QTMAN: variants seen among roughly 807,000 people sequenced by gnomAD.
The protein encoded by QTMAN is tRNA-queuosine alpha-mannosyltransferase.
chr2:144,110,274 A>C, the QTMAN span, among the ~76,000 whole-genome samples: 6 of 152,210 alleles, frequency 3.9e-5, no homozygotes, highest in African/African-American at 1.4e-4. Flanking sequence ...CATCATTCTC[A>C]GCAAACTATT....
At chr2:144,055,309 G>T in the QTMAN span, among the ~76,000 whole-genome samples, 1 of 146,612 alleles carries the variant, frequency 6.8e-6, no homozygotes, top group Non-Finnish European at 1.5e-5. Context: ...CCCTGAAATG[G>T]AACACACACA....
chr2:144,151,594 A>C, the QTMAN span, among the ~76,000 whole-genome samples: 2 of 152,130 alleles, frequency 1.3e-5, no homozygotes, highest in African/African-American at 4.8e-5. Context: ...TTTGCTGATA[A>C]AACTGGATAT....
the QTMAN span, chr2:144,235,874 A>G: frequency 2.6e-5 from 4 of 152,446 alleles, no homozygotes; most frequent in African/African-American, 9.7e-5. Flanking sequence ...AGAACGTGCA[A>G]GAACAGAAAT....
chr2:144,093,473 A>T, the QTMAN span, among the ~76,000 whole-genome samples: 1 of 152,242 alleles, frequency 6.6e-6, no homozygotes, highest in African/African-American at 2.4e-5. Flanking sequence ...TTCACTACCA[A>T]GTTAAGTGCA....
At chr2:144,037,781 C>G in the QTMAN span, among the ~76,000 whole-genome samples, 9 of 152,002 alleles carry the variant, frequency 5.9e-5, no homozygotes, top group Non-Finnish European at 1.2e-4. Context: ...AAAAAGAAAA[C>G]GGACTCTGGA....
the QTMAN span, among the ~76,000 whole-genome samples, chr2:143,959,517 T>G: frequency 6.6e-6 from 1 of 152,216 alleles, no homozygotes; most frequent in East Asian, 1.9e-4. Context: ...TTAAAGGAAA[T>G]GTATATGAAG....
At chr2:144,144,811 T>C in the QTMAN span, among the ~76,000 whole-genome samples, 19 of 151,952 alleles carry the variant, frequency 1.3e-4, no homozygotes, top group African/African-American at 4.3e-4. Context: ...CAAACCCAGT[T>C]GCTAATAGCT....
the QTMAN span, among the ~76,000 whole-genome samples, chr2:144,050,215 A>G: frequency 8.3e-4 from 126 of 152,326 alleles, no homozygotes; most frequent in African/African-American, 2.9e-3. Flanking sequence ...TATGTAGACA[A>G]TAAGGTAAAT....
the QTMAN span, among the ~76,000 whole-genome samples, chr2:144,098,466 G>A: frequency 6.6e-6 from 1 of 152,096 alleles, no homozygotes; most frequent in Non-Finnish European, 1.5e-5. Context: ...TGTAATCCTA[G>A]CATTTTGGGA....
chr2:144,269,697 A>C, the QTMAN span, among the ~76,000 whole-genome samples: 2 of 152,148 alleles, frequency 1.3e-5, no homozygotes, highest in East Asian at 3.8e-4. Flanking sequence ...AGAAAAATCC[A>C]AATTTCCCTG....
the QTMAN span, among the ~76,000 whole-genome samples, chr2:143,972,999 G>C: frequency 6.6e-6 from 1 of 152,204 alleles, no homozygotes; most frequent in East Asian, 1.9e-4. Context: ...TATTGAGTTG[G>C]TAATTATTTT....
At chr2:144,022,739 T>G in the QTMAN span, among the ~76,000 whole-genome samples, 1 of 152,046 alleles carries the variant, frequency 6.6e-6, no homozygotes, top group Non-Finnish European at 1.5e-5. Flanking sequence ...AATTTTTTTA[T>G]TTTTAGTAGA....
At chr2:143,981,126 T>A in the QTMAN span, among the ~76,000 whole-genome samples, 1 of 152,256 alleles carries the variant, frequency 6.6e-6, no homozygotes, top group Non-Finnish European at 1.5e-5. Context: ...TTCATGAATG[T>A]GTTCTTGTAT....
chr2:144,034,909 C>A, the QTMAN span, among the ~76,000 whole-genome samples: 1 of 152,206 alleles, frequency 6.6e-6, no homozygotes, highest in African/African-American at 2.4e-5. Context: ...AGGTTCCCAA[C>A]ACTCATGGAA....
chr2:144,318,194 A>ACACACAC, the QTMAN span, among the ~76,000 whole-genome samples: 3 of 141,934 alleles, frequency 2.1e-5, 1 homozygote, highest in Admixed American at 1.4e-4. Context: ...TATTTAAATA[A>ACACACAC]ACACACACAC....
At chr2:144,109,553 A>C in the QTMAN span, among the ~76,000 whole-genome samples, 1 of 152,196 alleles carries the variant, frequency 6.6e-6, no homozygotes, top group Non-Finnish European at 1.5e-5. Flanking sequence ...AATGGGATCT[A>C]ATTAAACTAA....
chr2:144,116,554 A>G, the QTMAN span, among the ~76,000 whole-genome samples: 1 of 152,180 alleles, frequency 6.6e-6, no homozygotes. Context: ...AATGCCTTCA[A>G]GGACCAGTGG....
At chr2:144,052,381 G>C in the QTMAN span, among the ~76,000 whole-genome samples, 2 of 152,188 alleles carry the variant, frequency 1.3e-5, no homozygotes, top group African/African-American at 4.8e-5. Flanking sequence ...AGAAAACTAA[G>C]TGAAGAGACG....
At chr2:144,157,265 C>A in the QTMAN span, among the ~76,000 whole-genome samples, 2 of 152,018 alleles carry the variant, frequency 1.3e-5, no homozygotes, top group African/African-American at 4.8e-5. Context: ...AGATATCCAC[C>A]TGACTCTTAA....
Sources: allele counts gnomAD v4.1 joint callset (sites outside exome capture counted in the v4.1 genomes callset), GRCh38; gene constraint gnomAD v4.1.1; transcripts MANE v1.5; gene names NCBI Gene and HGNC (gene_info 2026-07-23, HGNC 2026-07-21).